The following RIPOR2 variants were observed in gnomAD, a reference collection of about 807,000 sequenced individuals.
The protein encoded by RIPOR2 is rho family-interacting cell polarization regulator 2.
In RIPOR2, 39 loss-of-function variants were observed where a neutral mutation model predicts 114.5. The observed-to-expected ratio is 0.34, with a 90% CI of 0.26 to 0.44. The LOEUF is 0.44. RIPOR2 is among the 20% of genes least tolerant of loss of function. RIPOR2 has a pLI of 1.00. For synonymous variants in RIPOR2, 445 were observed against 484.4 expected, an observed-to-expected ratio of 0.92 and a Z score of 1.07; for missense variants, 1,007 against 1,255.1, an observed-to-expected ratio of 0.80 and a Z score of 2.99.
At position 24,819,662 on chromosome 6, in the gene RIPOR2, A is replaced by ATTTTTTTT. The variant is rs35638159; in HGVS notation, c.2869-1045_2869-1038dup. Among the ~76,000 whole-genome samples, 70 of 103,308 alleles carry ATTTTTTTT rather than the reference A, an allele frequency of 6.8e-4. 1 individual carries two copies. Among genetic ancestry groups the ATTTTTTTT allele is most frequent in the South Asian group, 4.2e-3 (10 of 2,370 alleles). 67.8% of individuals were successfully genotyped at this position (103,308 alleles called of 152,430 possible). A position where few individuals can be genotyped will look rare whatever the true frequency, so the allele number is the denominator to read the frequency against. On this transcript the variant is annotated intron_variant, in intron 19 of 21. Transcript: ENST00000643898. ...AGGTGCCCACCACCACGCCCAGCTA[A>ATTTTTTTT]TTTTTTTTTTTTTTTTTTTTAGTGG...
chr6:24,899,527 G>A (rs924938353), intron 1 of RIPOR2, among the ~76,000 whole-genome samples: 7 of 152,186 alleles, frequency 4.6e-5, no homozygotes, highest in African/African-American at 1.7e-4. Context: ...AGAGATAGAA[G>A]GGTAAACCAT....
intron 1 of RIPOR2, among the ~76,000 whole-genome samples, chr6:24,951,399 C>T (rs1185688958): frequency 6.6e-6 from 1 of 152,146 alleles, no homozygotes; most frequent in African/African-American, 2.4e-5. Context: ...GCAGTCGAAT[C>T]GCTGTCTTTG....
At chr6:24,810,393 C>A (rs1217375150) in intron 20 of RIPOR2, among the ~76,000 whole-genome samples, 1 of 152,166 alleles carries the variant, frequency 6.6e-6, no homozygotes, top group Non-Finnish European at 1.5e-5. Context: ...CTGAATCTCA[C>A]TGATTCCAAA....
At chr6:24,897,461 C>T (rs1451847501) in intron 1 of RIPOR2, among the ~76,000 whole-genome samples, 1 of 152,230 alleles carries the variant, frequency 6.6e-6, no homozygotes, top group Admixed American at 6.5e-5. Flanking sequence ...CCCCCTCCGC[C>T]ATCCTCCAGA....
intron 1 of RIPOR2, among the ~76,000 whole-genome samples, chr6:24,916,047 G>T (rs991475454): frequency 6.6e-6 from 1 of 152,218 alleles, no homozygotes; most frequent in African/African-American, 2.4e-5. Flanking sequence ...AGTGGCCTTT[G>T]TGGACCTATG....
At position 24,966,506 on chromosome 6, in the gene RIPOR2, C is replaced by T. The variant is rs191843391; in HGVS notation, c.76+75345G>A. Among the ~76,000 whole-genome samples, 30 of 152,198 alleles carry T rather than the reference C, an allele frequency of 2.0e-4. 1 individual carries two copies. In the South Asian group the frequency reaches 4.1e-3, roughly 21 times the overall value. ...GGGATGCCACGTGTTGGGTCCCTGCCGAGTCGGGAAATTATACACTTGAGG... is the reference window on the plus strand; with the variant it reads ...GGGATGCCACGTGTTGGGTCCCTGCTGAGTCGGGAAATTATACACTTGAGG... On this transcript the variant is annotated intron_variant, in intron 1 of 13. Coordinates refer to the RIPOR2 transcript ENST00000510784.
intron 1 of RIPOR2, among the ~76,000 whole-genome samples, chr6:24,953,666 G>A (rs1295591296): frequency 6.6e-6 from 1 of 152,200 alleles, no homozygotes; most frequent in Non-Finnish European, 1.5e-5. Flanking sequence ...TTTCATTTGA[G>A]AAGTACCTTC....
intron 1 of RIPOR2, among the ~76,000 whole-genome samples, chr6:24,981,426 A>G (rs1371104961): frequency 1.3e-5 from 2 of 151,996 alleles, no homozygotes; most frequent in African/African-American, 4.8e-5. Context: ...TTCTCTCTCC[A>G]CCTCTAGGGA....
In RIPOR2 at chr6:25,022,531, C is replaced by CT. The variant is rs1561848668; in HGVS notation, c.76+19319_76+19320insA. ...CACATATAACTAATGTGGTACCTTC[C>CT]ATTTTTTTTTTTTTTTTTTTTTTTT... is the stretch of plus-strand genomic sequence containing the variant. On this transcript the variant is annotated intron_variant, in intron 1 of 13. Coordinates refer to the RIPOR2 transcript ENST00000510784. Among the ~76,000 whole-genome samples the CT allele has an allele frequency of 6.2e-4, 40 of 64,524 alleles. 1 individual carries two copies. The highest frequency in any genetic ancestry group is 1.8e-3 in the South Asian group (3 of 1,670). 42.3% of individuals were successfully genotyped at this position (64,524 alleles called of 152,430 possible).
At chr6:24,930,505 G>A (rs1296271274) in intron 1 of RIPOR2, among the ~76,000 whole-genome samples, 1 of 152,236 alleles carries the variant, frequency 6.6e-6, no homozygotes, top group Non-Finnish European at 1.5e-5. Flanking sequence ...GGCTAAGACA[G>A]CCTGCATAGC....
chr6:25,017,328 GCATAAATGC>G (rs1776058257), intron 1 of RIPOR2, among the ~76,000 whole-genome samples: 1 of 152,132 alleles, frequency 6.6e-6, no homozygotes, highest in Admixed American at 6.5e-5. Flanking sequence ...AAGAAAAATG[GCATAAATGC>G]CATTTAGGCA....
chr6:24,871,575 C>T (rs1283994749), intron 4 of RIPOR2, among the ~76,000 whole-genome samples: 2 of 152,248 alleles, frequency 1.3e-5, no homozygotes, highest in Admixed American at 1.3e-4. Context: ...TGGTCTTGAA[C>T]TCCTGACCTT....
At chr6:24,821,492 T>C (rs973531017) in intron 19 of RIPOR2, among the ~76,000 whole-genome samples, 6 of 152,346 alleles carry the variant, frequency 3.9e-5, no homozygotes, top group Non-Finnish European at 8.8e-5. Context: ...CTCTGTGGCT[T>C]AACACTCTTA....
chr6:25,005,437 T>C (rs1376075212), intron 1 of RIPOR2, among the ~76,000 whole-genome samples: 1 of 152,066 alleles, frequency 6.6e-6, no homozygotes, highest in Non-Finnish European at 1.5e-5. Context: ...CAATGATATT[T>C]TGTGTTCTGA....
chr6:24,970,073 T>A (rs1773709978), intron 1 of RIPOR2, among the ~76,000 whole-genome samples: 1 of 151,892 alleles, frequency 6.6e-6, no homozygotes, highest in Admixed American at 6.6e-5. Context: ...GACTCTGAAG[T>A]TCCTGGATGG....
rs192014258 is a variant in RIPOR2 at position 24,988,435 on chromosome 6, A to G, written c.76+53416T>C. ...GTAATCTGCCCTCCTTGGCCTCCCAAAGTGCTGGGATTACAGGCATGAGCC... is the reference window on the plus strand; with the variant it reads ...GTAATCTGCCCTCCTTGGCCTCCCAGAGTGCTGGGATTACAGGCATGAGCC... On this transcript the variant is annotated intron_variant, in intron 1 of 13. Transcript: ENST00000510784. Among the ~76,000 whole-genome samples, 12 of 152,260 alleles carry G rather than the reference A, an allele frequency of 7.9e-5. No homozygotes were observed. In the East Asian group the frequency reaches 2.3e-3, roughly 29 times the overall value.
rs1191201920 is a variant in RIPOR2 at position 24,805,896 on chromosome 6, G to A, written c.*477C>T. 1 of 158,564 alleles carries A rather than the reference G, an allele frequency of 6.3e-6. No individual in the cohort carries two copies. Among genetic ancestry groups the A allele is most frequent in the East Asian group, 1.9e-4 (1 of 5,248 alleles). 9.8% of individuals were successfully genotyped at this position (158,564 alleles called of 1,614,324 possible). ...ATATTGGCCAAAGGAAAAGTAGATA[G>A]GTACTGTGAAACGAGACTCTGAATT... On this transcript the variant is annotated 3_prime_UTR_variant, in exon 22 of 22. Transcript: ENST00000643898.
intron 1 of RIPOR2, among the ~76,000 whole-genome samples, chr6:24,923,993 G>A (rs1044033436): frequency 2.0e-5 from 3 of 152,168 alleles, no homozygotes. Context: ...GGGTGTGTGT[G>A]GCAGTGCTTT....
In RIPOR2 at chr6:24,899,289, G is replaced by T. The variant is rs997640912; in HGVS notation, c.62-23472C>A. Among the ~76,000 whole-genome samples, 3 of 152,144 alleles carry T rather than the reference G, an allele frequency of 2.0e-5. No individual in the cohort carries two copies. In the East Asian group the frequency reaches 5.8e-4, roughly 29 times the overall value. On this transcript the variant is annotated intron_variant, in intron 1 of 21. Transcript: ENST00000643898. ...CTCAGGCTAACATGGGGCCCATGAA[G>T]ATAGCTTCTTTTGCACTGATTTGAA...
Sources: gnomAD v4.1 joint callset for allele counts (sites outside exome capture counted in the v4.1 genomes callset) on GRCh38, gnomAD v4.1.1 for gene constraint, MANE v1.5 for transcripts, NCBI Gene and HGNC (gene_info 2026-07-23, HGNC 2026-07-21) for gene names.